Variants in MAPK10 observed in about 807,000 individuals in gnomAD.
MAPK10 encodes JNK3 alpha protein kinase.
MAPK10 carries 25 observed loss-of-function variants against 59.3 expected under a neutral mutation model. The ratio of observed to expected loss-of-function variants is 0.42; its 90% CI spans 0.31 to 0.59. The LOEUF (loss-of-function observed/expected upper bound fraction) is 0.59. Among genes scored for constraint, MAPK10 ranks in the 20% least tolerant of loss-of-function variants. MAPK10 has a pLI of 0.15. For synonymous variants in MAPK10, 190 were observed against 200.5 expected, an observed-to-expected ratio of 0.95 and a Z score of 0.44; for missense variants, 351 against 568.9, an observed-to-expected ratio of 0.62 and a Z score of 3.90.
chr4:86,309,995 CAA>C (rs1485832595), intron 2 of MAPK10, among the ~76,000 whole-genome samples: 2 of 152,180 alleles, frequency 1.3e-5, no homozygotes, highest in African/African-American at 4.8e-5. Flanking sequence ...CCATTCTATT[CAA>C]AGTTATCCCT....
At position 86,338,335 on chromosome 4, in the gene MAPK10, T is replaced by C. The variant is rs1722792075; in HGVS notation, c.-7+16195A>G. Among the ~76,000 whole-genome samples, 4 of 152,336 alleles carry C rather than the reference T, an allele frequency of 2.6e-5. No homozygotes were observed. The South Asian group carries it at 8.3e-4, about 32-fold the overall frequency. On this transcript the variant is annotated intron_variant, in intron 2 of 13. Coordinates refer to ENST00000641462, the MANE Select transcript of MAPK10 (RefSeq NM_138982.4). ...AAACCCTCATATGAACTCCCTACCC[T>C]TACCCGCTTCTGCAGACAAACCTAC...
chr4:86,167,993 A>C (rs6844343), intron 3 of MAPK10, among the ~76,000 whole-genome samples: 12,917 of 152,294 alleles, frequency 0.085, 1,220 homozygotes, highest in African/African-American at 0.23. Flanking sequence ...TGTCTCAGCC[A>C]AAAAGCTTAT....
intron 13 of MAPK10, among the ~76,000 whole-genome samples, chr4:86,022,561 G>C (rs10002407): frequency 6.6e-6 from 1 of 151,800 alleles, no homozygotes; most frequent in East Asian, 1.9e-4. Context: ...CTGTAGCACA[G>C]TGGCATAGTC....
At chr4:86,533,632 C>T (rs1200298065) in intron 1 of MAPK10, among the ~76,000 whole-genome samples, 1 of 152,146 alleles carries the variant, frequency 6.6e-6, no homozygotes, top group African/African-American at 2.4e-5. Flanking sequence ...GTCTTCACCT[C>T]CCAGGATCAA....
At chr4:86,567,677 TTTACTTA>T (rs1761157862) in intron 1 of MAPK10, among the ~76,000 whole-genome samples, 1 of 152,200 alleles carries the variant, frequency 6.6e-6, no homozygotes, top group African/African-American at 2.4e-5. Context: ...CAAATAAATA[TTTACTTA>T]TTAAAATCTT....
chr4:86,068,924 A>G (rs2047241481), intron 9 of MAPK10, among the ~76,000 whole-genome samples: 1 of 152,180 alleles, frequency 6.6e-6, no homozygotes, highest in Admixed American at 6.5e-5. Context: ...GTGCCAGTGA[A>G]TAATAGAGAT....
intron 1 of MAPK10, among the ~76,000 whole-genome samples, chr4:86,473,958 C>G (rs897372000): frequency 3.3e-5 from 5 of 152,020 alleles, no homozygotes; most frequent in African/African-American, 7.2e-5. Flanking sequence ...AAGACCAGCC[C>G]TGGCAACATA....
intron 2 of MAPK10, among the ~76,000 whole-genome samples, chr4:86,296,691 T>C (rs2095368726): frequency 6.6e-6 from 1 of 152,158 alleles, no homozygotes; most frequent in African/African-American, 2.4e-5. Flanking sequence ...AGGAATCTAA[T>C]CCACTCTAAA....
chr4:86,066,610 C>T (rs546662880), intron 10 of MAPK10, among the ~76,000 whole-genome samples: 62 of 151,950 alleles, frequency 4.1e-4, no homozygotes, highest in Non-Finnish European at 7.2e-4. Flanking sequence ...ACTAAAAATA[C>T]AAAAATTAGC....
At chr4:86,176,115 C>T (rs1581968137) in intron 3 of MAPK10, 1 of 152,244 alleles carries the variant, frequency 6.6e-6, no homozygotes, top group Non-Finnish European at 1.5e-5. Context: ...ATGCATCATA[C>T]TTTCAAATAA....
At chr4:86,511,699 AAGGAGG>A (rs140122360) in intron 1 of MAPK10, among the ~76,000 whole-genome samples, 263 of 145,846 alleles carry the variant, frequency 1.8e-3, no homozygotes, top group African/African-American at 5.2e-3. Flanking sequence ...GAAGAAGAAG[AAGGAGG>A]AGGAGGAGGA....
chr4:86,015,221 G>C lies in MAPK10; in HGVS notation c.*2007C>G, dbSNP rs2148886683. 6.6e-6 allele frequency: 1 copy of C among 152,328 alleles called. No individual in the cohort carries two copies. The allele number at this position is 152,328 out of a possible 1,614,324, so 9.4% of individuals were successfully genotyped here. On this transcript the variant is annotated 3_prime_UTR_variant, in exon 14 of 14. Transcript: ENST00000641462. ...ATGACTGCGTGTACTGAATCTGACTGTGTGAAATAATCTCAGAATGGCAGC... is the reference window on the plus strand; with the variant it reads ...ATGACTGCGTGTACTGAATCTGACTCTGTGAAATAATCTCAGAATGGCAGC...
At chr4:86,021,258 T>G (rs1746612574) in intron 13 of MAPK10, among the ~76,000 whole-genome samples, 1 of 146,864 alleles carries the variant, frequency 6.8e-6, no homozygotes, top group Non-Finnish European at 1.5e-5. Context: ...GAGCTAGACA[T>G]AAAGGTTTTC....
At chr4:86,045,703 C>T (rs1169995962) in intron 11 of MAPK10, among the ~76,000 whole-genome samples, 2 of 151,894 alleles carry the variant, frequency 1.3e-5, no homozygotes, top group Admixed American at 6.6e-5. Flanking sequence ...CTGGTCCCTG[C>T]TTACCAGCCC....
intron 9 of MAPK10, chr4:86,091,536 A>ATTTTTTTTTTTTTTTTT (rs71657508): frequency 1.5e-5 from 1 of 67,416 alleles, no homozygotes; most frequent in Non-Finnish European, 2.6e-5. Context: ...AAATCCCTTG[A>ATTTTTTTTTTTTTTTTT]TTTTTTTTTT....
intron 2 of MAPK10, among the ~76,000 whole-genome samples, chr4:86,202,962 T>C (rs142203671): frequency 1.7e-4 from 26 of 152,086 alleles, no homozygotes; most frequent in African/African-American, 6.0e-4. Flanking sequence ...CGTTTGCTAA[T>C]TGTTTTTCCT....
At chr4:86,031,224 A>T in intron 12 of MAPK10, 144 bp downstream of exon 12, 1 of 626,380 alleles carries the variant, frequency 1.6e-6, no homozygotes, top group Non-Finnish European at 2.8e-6. Context: ...AAGACAGATG[A>T]AGTTTTAGGA....
chr4:86,327,785 C>CAAAAAAAAAAAAAAAAAAAAAAAAAAA, intron 2 of MAPK10: 1 of 68,930 alleles, frequency 1.5e-5, no homozygotes. Context: ...ACTAAAAATA[C>CAAAAAAAAAAAAAAAAAAAAAAAAAAA]AAAAAAAAAA....
At chr4:86,317,316 G>A (rs575298899) in intron 2 of MAPK10, among the ~76,000 whole-genome samples, 6 of 152,116 alleles carry the variant, frequency 3.9e-5, no homozygotes, top group African/African-American at 1.4e-4. Context: ...TCTCACGTTC[G>A]TACTTTCGTT....
Sources: gnomAD v4.1 joint callset for allele counts (sites outside exome capture counted in the v4.1 genomes callset) on GRCh38, gnomAD v4.1.1 for gene constraint, MANE v1.5 for transcripts, NCBI Gene and HGNC (gene_info 2026-07-23, HGNC 2026-07-21) for gene names.